The following ANKS6 variants were observed in gnomAD, a reference collection of about 807,000 sequenced individuals.
The protein encoded by ANKS6 is ankyrin repeat and sterile alpha motif domain containing 6, also known as ankyrin repeat and SAM domain-containing protein 6.
Under a neutral mutation model 77.9 loss-of-function variants are expected in ANKS6, and 47 were observed. The observed-to-expected ratio is 0.60, with a 90% CI of 0.48 to 0.77. ANKS6 has a LOEUF of 0.77. Ranked by LOEUF, ANKS6 falls within the 30% of genes least tolerant of loss-of-function variation. The probability of loss-of-function intolerance (pLI) is 0.00; values close to 1 mark genes in which losing one functional copy is unlikely to be tolerated. For missense variants in ANKS6, 1,150 were observed against 1,159.1 expected, an observed-to-expected ratio of 0.99 and a Z score of 0.11; for synonymous variants, 488 against 501.7, an observed-to-expected ratio of 0.97 and a Z score of 0.37.
In ANKS6 at chr9:98,736,464, C is replaced by A; in HGVS notation, c.*55G>T. 1 of 1,539,574 alleles carries A rather than the reference C, an allele frequency of 6.5e-7. No homozygotes were observed. The highest frequency in any genetic ancestry group is 8.8e-7 in the Non-Finnish European group (1 of 1,141,080). On this transcript the variant is annotated 3_prime_UTR_variant, in exon 15 of 15. Transcript: ENST00000353234. ...GGGGGCAGGGCTGGGGCTGTGGCCA[C>A]GTGAAGGGGTCCCGGGATTCAGAGA...
intron 6 of ANKS6, among the ~76,000 whole-genome samples, chr9:98,779,811 G>A (rs1251072077): frequency 1.3e-5 from 2 of 151,918 alleles, no homozygotes; most frequent in African/African-American, 2.4e-5. Flanking sequence ...CTACAGGCGT[G>A]CGCCACCATG....
At position 98,745,452 on chromosome 9, in the gene ANKS6, C is replaced by T. The variant is rs1057105691; in HGVS notation, c.2511+107G>A. On this transcript the variant is annotated intron_variant, in intron 14 of 14. Coordinates refer to ENST00000353234, the MANE Select transcript of ANKS6 (RefSeq NM_173551.5). Reference sequence around the variant, plus strand: ...AGGCCATGCTGGGAGGTAGTGAGTGCTTGCTCACTGTCAGAGAGAGGAAGT... The same window carrying T: ...AGGCCATGCTGGGAGGTAGTGAGTGTTTGCTCACTGTCAGAGAGAGGAAGT... 5.7e-6 allele frequency: 6 copies of T among 1,058,366 alleles called. No individual in the cohort carries two copies. The South Asian group carries it at 6.8e-5, about 12-fold the overall frequency. 65.6% of individuals were successfully genotyped at this position (1,058,366 alleles called of 1,614,324 possible). A position where few individuals can be genotyped will look rare whatever the true frequency, so the allele number is the denominator to read the frequency against.
chr9:98,781,933 AAGAGGGTCTGTC>A (rs1412939306), intron 5 of ANKS6, among the ~76,000 whole-genome samples: 3 of 152,104 alleles, frequency 2.0e-5, no homozygotes, highest in Non-Finnish European at 4.4e-5. Flanking sequence ...CAGGTCCCAA[AAGAGGGTCTGTC>A]ACAGCAGGGG....
intron 2 of ANKS6, among the ~76,000 whole-genome samples, 168 bp from the exon 3 acceptor site, chr9:98,785,044 A>T (rs1564221642): frequency 6.6e-6 from 1 of 152,220 alleles, no homozygotes; most frequent in East Asian, 1.9e-4. Flanking sequence ...TGGAAGGTTT[A>T]TTACCCAAGA....
intron 9 of ANKS6, among the ~76,000 whole-genome samples, chr9:98,773,069 G>A (rs1833724303): frequency 6.6e-6 from 1 of 152,196 alleles, no homozygotes; most frequent in Admixed American, 6.5e-5. Context: ...GAAGTCTCAG[G>A]GATGGGTTCT....
chr9:98,771,189 A>T, intron 9 of ANKS6, 143 bp from the exon 10 acceptor site: 10 of 973,670 alleles, frequency 1.0e-5, no homozygotes, highest in Non-Finnish European at 1.2e-5. Context: ...GCCAGGGCCC[A>T]GCTGGGGAGT....
chr9:98,782,429 C>A lies in ANKS6; in HGVS notation c.1219+38G>T, dbSNP rs117118797. The A allele has an allele frequency of 2.5e-4, 396 of 1,572,172 alleles. 2 individuals carry two copies. The East Asian group carries it at 8.1e-3, about 32-fold the overall frequency. ...GTCTTGACTCCCAGTCCAAGAAACG[C>A]TGGGTAGATTTACAACCCTTTTCTT... On this transcript the variant is annotated intron_variant, in intron 5 of 14. Transcript: ENST00000353234.
intron 8 of ANKS6, among the ~76,000 whole-genome samples, chr9:98,774,404 G>A (rs1833811917): frequency 6.6e-6 from 1 of 152,208 alleles, no homozygotes; most frequent in Admixed American, 6.5e-5. Context: ...CACAGAGGAG[G>A]GGTGCCCCTG....
At chr9:98,782,381 C>T in intron 5 of ANKS6, 86 bp downstream of exon 5, 1 of 1,249,352 alleles carries the variant, frequency 8.0e-7, no homozygotes, top group South Asian at 1.3e-5. Flanking sequence ...GTGCTTAAAA[C>T]ACAAGTCACA....
At chr9:98,755,186 G>A (rs546955017) in intron 12 of ANKS6, among the ~76,000 whole-genome samples, 5 of 152,212 alleles carry the variant, frequency 3.3e-5, no homozygotes, top group Non-Finnish European at 7.3e-5. Flanking sequence ...GCCTGTGCAA[G>A]TGATTCCAAC....
chr9:98,778,140 C>G, intron 7 of ANKS6, 86 bp downstream of exon 7: 1 of 1,471,192 alleles, frequency 6.8e-7, no homozygotes, highest in East Asian at 2.3e-5. Context: ...TTACCCCTGA[C>G]AGCAACCCAG....
rs1024506518 is a variant in ANKS6 at position 98,780,351 on chromosome 9, AGG to A, written c.1220-16_1220-15del. The A allele has an allele frequency of 1.3e-6, 2 of 1,571,322 alleles. No individual in the cohort carries two copies. The highest frequency in any genetic ancestry group is 1.7e-6 in the Non-Finnish European group (2 of 1,155,856). On this transcript the variant is annotated splice_polypyrimidine_tract_variant and intron_variant, in intron 5 of 14. Transcript: ENST00000353234. ...CAAGTTCCGTGTCTATGGACACAAA[AGG>A]CATCATTTTACCTGCAAATATGTCT...
intron 4 of ANKS6, 121 bp downstream of exon 4, chr9:98,783,832 T>C: frequency 3.7e-6 from 3 of 814,764 alleles, no homozygotes; most frequent in Non-Finnish European, 5.0e-6. Flanking sequence ...TGCCTCAATG[T>C]CGTCATAGTC....
At chr9:98,750,680 A>G (rs944139820) in intron 13 of ANKS6, among the ~76,000 whole-genome samples, 1 of 152,182 alleles carries the variant, frequency 6.6e-6, no homozygotes, top group African/African-American at 2.4e-5. Context: ...CTGACCCTAG[A>G]TCCAGACACA....
At chr9:98,774,532 G>A (rs1463546233) in intron 8 of ANKS6, among the ~76,000 whole-genome samples, 2 of 152,080 alleles carry the variant, frequency 1.3e-5, no homozygotes, top group Non-Finnish European at 2.9e-5. Flanking sequence ...GGAAAGGCCT[G>A]GAACCTAGAG....
At chr9:98,749,789 C>T (rs906254579) in intron 13 of ANKS6, among the ~76,000 whole-genome samples, 1 of 152,190 alleles carries the variant, frequency 6.6e-6, no homozygotes, top group Admixed American at 6.5e-5. Flanking sequence ...AGGAAAGCTA[C>T]GCGCCCTATT....
At position 98,736,302 on chromosome 9, in the gene ANKS6, C is replaced by G; in HGVS notation, c.*217G>C. On this transcript the variant is annotated 3_prime_UTR_variant, in exon 15 of 15. Coordinates refer to ENST00000353234, the MANE Select transcript of ANKS6 (RefSeq NM_173551.5). ...CCAACCTGCCAAGCAGAAGCACCCC[C>G]ACTGGACTGTTACATGGGAATCTGT... is the stretch of plus-strand genomic sequence containing the variant. 2 of 1,391,456 alleles carry G rather than the reference C, an allele frequency of 1.4e-6. No individual in the cohort carries two copies. The highest frequency in any genetic ancestry group is 1.9e-6 in the Non-Finnish European group (2 of 1,077,204). The allele number at this position is 1,391,456 out of a possible 1,614,324, so 86.2% of individuals were successfully genotyped here.
intron 10 of ANKS6, among the ~76,000 whole-genome samples, chr9:98,769,961 T>C (rs1833533492): frequency 1.3e-5 from 2 of 152,228 alleles, no homozygotes; most frequent in Non-Finnish European, 2.9e-5. Flanking sequence ...GTGGGTGAGA[T>C]TATACTTTGT....
intron 6 of ANKS6, 99 bp downstream of exon 6, chr9:98,780,090 C>T: frequency 6.5e-7 from 1 of 1,533,518 alleles, no homozygotes; most frequent in Non-Finnish European, 8.9e-7. Flanking sequence ...GCAGGGACTC[C>T]CTAGCATAAA....
Sources: allele counts gnomAD v4.1 joint callset (sites outside exome capture counted in the v4.1 genomes callset), GRCh38; gene constraint gnomAD v4.1.1; transcripts MANE v1.5; gene names NCBI Gene and HGNC (gene_info 2026-07-23, HGNC 2026-07-21).